The following KLHL2 variants were observed in gnomAD, a reference collection of about 807,000 sequenced individuals.
KLHL2 encodes the protein kelch-like protein 2.
Under a neutral mutation model 75.8 loss-of-function variants are expected in KLHL2, and 15 were observed. The ratio of observed to expected loss-of-function variants is 0.20; its 90% CI spans 0.13 to 0.30. KLHL2 has a LOEUF of 0.30. KLHL2 is among the 10% of genes least tolerant of loss of function. The pLI is 1.00. For missense variants in KLHL2, 381 were observed against 741.0 expected (o/e 0.51, Z 5.64); for synonymous variants, 214 against 251.9 (o/e 0.85, Z 1.42).
In KLHL2 at chr4:165,297,114, G is replaced by GA. The variant is rs542475461; in HGVS notation, c.655-491dup. Among the ~76,000 whole-genome samples the GA allele has an allele frequency of 3.8e-4, 58 of 152,162 alleles. 1 individual carries two copies. In the South Asian group the frequency reaches 0.012, roughly 32 times the overall value. Reference sequence around the variant, plus strand: ...AAGTGATATATTCATCAGTTGAGAAGAAAATTATGTAGACAAACAGTGTCT... The same window carrying GA: ...AAGTGATATATTCATCAGTTGAGAAGAAAAATTATGTAGACAAACAGTGTCT... On this transcript the variant is annotated intron_variant, in intron 6 of 14. Transcript: ENST00000226725.
At chr4:165,303,494 G>GCCCGCC (rs1553963728) in intron 8 of KLHL2, among the ~76,000 whole-genome samples, 1 of 113,294 alleles carries the variant, frequency 8.8e-6, no homozygotes, top group African/African-American at 2.8e-5. Flanking sequence ...TTACAACCTT[G>GCCCGCC]CCCCCCCCGC....
intron 1 of KLHL2, among the ~76,000 whole-genome samples, chr4:165,218,395 G>A (rs1184487523): frequency 1.3e-5 from 2 of 152,138 alleles, no homozygotes; most frequent in Non-Finnish European, 2.9e-5. Flanking sequence ...ATTGGCCTTT[G>A]CTGTAGTTAC....
chr4:165,210,182 T>TAC (rs1268675233), intron 1 of KLHL2: 1 of 1,551,438 alleles, frequency 6.4e-7, no homozygotes, highest in Non-Finnish European at 8.7e-7. Flanking sequence ...TCTCTTTGTG[T>TAC]AAGTGTCTGT....
At chr4:165,311,809 C>CTCTGTGTGTG (rs1367964726) in intron 11 of KLHL2, among the ~76,000 whole-genome samples, 151 of 144,892 alleles carry the variant, frequency 1.0e-3, no homozygotes, top group Middle Eastern at 3.6e-3. Context: ...TCCTTTCTCT[C>CTCTGTGTGTG]TGTGTGTGTG....
intron 4 of KLHL2, among the ~76,000 whole-genome samples, chr4:165,251,652 C>T (rs926536656): frequency 1.4e-5 from 2 of 148,144 alleles, no homozygotes; most frequent in East Asian, 3.9e-4. Context: ...CTCTGTCGCC[C>T]AGGCTGGAGT....
chr4:165,300,115 C>G (rs1253750725), intron 8 of KLHL2, among the ~76,000 whole-genome samples: 2 of 151,828 alleles, frequency 1.3e-5, no homozygotes, highest in African/African-American at 4.8e-5. Context: ...TACGTGAAAC[C>G]GTGTCTCTAC....
chr4:165,314,365 A>G (rs1391765185), intron 13 of KLHL2, among the ~76,000 whole-genome samples, 199 bp downstream of exon 13: 2 of 152,326 alleles, frequency 1.3e-5, no homozygotes, highest in African/African-American at 2.4e-5. Context: ...TCTCTGGAAC[A>G]TAACAGGTTG....
intron 5 of KLHL2, among the ~76,000 whole-genome samples, chr4:165,264,729 T>TAC (rs1742064695): frequency 5.2e-5 from 4 of 76,880 alleles, no homozygotes; most frequent in East Asian, 6.1e-4. Flanking sequence ...TACATATATA[T>TAC]ATATATATAT....
At chr4:165,320,157 C>T (rs1209700468) in intron 14 of KLHL2, among the ~76,000 whole-genome samples, 1 of 152,064 alleles carries the variant, frequency 6.6e-6, no homozygotes. Flanking sequence ...AAATGTGCCA[C>T]CAGGGACATT....
chr4:165,313,807 T>C (rs1257843900), intron 12 of KLHL2, among the ~76,000 whole-genome samples: 6 of 152,226 alleles, frequency 3.9e-5, no homozygotes, highest in Admixed American at 3.9e-4. Context: ...TTATTCTGTT[T>C]GACATGCCTC....
chr4:165,319,662 C>T lies in KLHL2; in HGVS notation c.1753+1693C>T, dbSNP rs1279162987. Among the ~76,000 whole-genome samples, 5 of 152,040 alleles carry T rather than the reference C, an allele frequency of 3.3e-5. No homozygotes were observed. In the East Asian group the frequency reaches 9.6e-4, roughly 29 times the overall value. The stretch of plus-strand genomic sequence containing the variant: ...TTGAGACAGAATCTCACTCTTGTCG[C>T]CCAGGCTGGAGTGCAACAGCGTGAT... On this transcript the variant is annotated intron_variant, in intron 14 of 14. Transcript: ENST00000226725. This position sits in a 1 kb window ranked among gnomAD's most constrained non-coding sequence, Gnocchi z 4.5.
In KLHL2 at chr4:165,294,391, G is replaced by T; in HGVS notation, c.577G>T (p.Glu193Ter). 6.2e-7 allele frequency: 1 copy of T among 1,611,508 alleles called. No individual in the cohort carries two copies. Among genetic ancestry groups the T allele is most frequent in the Non-Finnish European group, 8.5e-7 (1 of 1,177,918 alleles). Reference sequence around the variant, plus strand: ...TTTTGCAGATGTTGTACTTAGTGAAGAATTTCTCAATCTTGGCATCGAACA... The same window carrying T: ...TTTTGCAGATGTTGTACTTAGTGAATAATTTCTCAATCTTGGCATCGAACA... The part of the protein sequence containing the change: ...QHFADVVLSE[E>*]FLNLGIEQVC... Residue 193 changes from glutamate to a stop codon, truncating the protein, a stop_gained, in exon 6 of 15, where the codon GAA becomes TAA. Transcript: ENST00000226725. LOFTEE classifies it high-confidence loss of function.
At chr4:165,216,356 C>G (rs1376872215) in intron 1 of KLHL2, among the ~76,000 whole-genome samples, 2 of 152,248 alleles carry the variant, frequency 1.3e-5, no homozygotes, top group Admixed American at 1.3e-4. Context: ...GAAACCTCAA[C>G]TATTTTAGAG....
rs547856889 is a variant in KLHL2 at position 165,257,116 on chromosome 4, G to T, written c.382-6081G>T. On this transcript the variant is annotated intron_variant, in intron 4 of 14. Coordinates refer to ENST00000226725, the MANE Select transcript of KLHL2 (RefSeq NM_007246.4). ...TCTTTAGCTAAGTATATTCACATTCGCAGTTTGTTCCATTGTGTAATATAA... is the reference window on the plus strand; with the variant it reads ...TCTTTAGCTAAGTATATTCACATTCTCAGTTTGTTCCATTGTGTAATATAA... 2.6e-3 allele frequency among the ~76,000 whole-genome samples: 396 copies of T among 152,056 alleles called. 4 individuals carry two copies. The highest frequency in any genetic ancestry group is 8.6e-3 in the African/African-American group (355 of 41,464).
intron 9 of KLHL2, 23 bp from the exon 10 acceptor site, chr4:165,310,530 T>G (rs1208036211): frequency 1.2e-6 from 2 of 1,607,482 alleles, no homozygotes; most frequent in African/African-American, 2.7e-5. Context: ...TGTTGATCAT[T>G]AAATGCTGTA....
intron 4 of KLHL2, chr4:165,252,478 A>C (rs912811360): frequency 3.3e-5 from 5 of 152,138 alleles, no homozygotes; most frequent in African/African-American, 1.2e-4. Context: ...TTAATGTCTT[A>C]ATCTCATTGT....
At position 165,238,765 on chromosome 4, in the gene KLHL2, C is replaced by T. The variant is rs775002443; in HGVS notation, c.260-13C>T. On this transcript the variant is annotated splice_polypyrimidine_tract_variant and intron_variant, in intron 3 of 14. Transcript: ENST00000226725. ...TCTTGCTGTAACATCACTCTTATTC[C>T]TTTGTGTTTTAGGTGAGATGAGTGA... is the stretch of plus-strand genomic sequence containing the variant. 3.1e-6 allele frequency: 5 copies of T among 1,613,180 alleles called. No homozygotes were observed. In the South Asian group the frequency reaches 5.5e-5, roughly 18 times the overall value.
rs182744983 is a variant in KLHL2, at chr4:165,226,799, C to T, written c.153-2008C>T. Among the ~76,000 whole-genome samples, 28 of 151,874 alleles carry T rather than the reference C, an allele frequency of 1.8e-4. No individual in the cohort carries two copies. The South Asian group carries it at 2.1e-3, about 11-fold the overall frequency. ...TTCAAACTTTAACAGATCTTAAAAC[C>T]GTATAGCTTTAGGTTTTGTGTAGTG... On this transcript the variant is annotated intron_variant, in intron 2 of 14. Transcript: ENST00000226725.
At chr4:165,246,488 A>G (rs1421282250) in intron 4 of KLHL2, among the ~76,000 whole-genome samples, 11 of 152,006 alleles carry the variant, frequency 7.2e-5, no homozygotes, top group East Asian at 3.9e-4. Flanking sequence ...CTGTTGGGGT[A>G]GGCTAAGTGA....
Sources: allele counts gnomAD v4.1 joint callset (sites outside exome capture counted in the v4.1 genomes callset), GRCh38; gene constraint gnomAD v4.1.1; non-coding constraint Gnocchi (gnomAD v3.1); transcripts MANE v1.5; gene names NCBI Gene and HGNC (gene_info 2026-07-23, HGNC 2026-07-21).